Variants in SH2B2 observed in about 807,000 individuals in gnomAD.
The protein encoded by SH2B2 is SH2B adaptor protein 2.
SH2B2 carries 37 observed loss-of-function variants against 35.7 expected under a neutral mutation model. The observed-to-expected ratio is 1.04, with a 90% confidence interval of 0.80 to 1.36. SH2B2 has a LOEUF of 1.36. Ranked by LOEUF, SH2B2 falls within the 40% of genes most tolerant of loss-of-function variation. The pLI, the probability that SH2B2 is intolerant of heterozygous loss-of-function variation, is 0.00. For synonymous variants in SH2B2, 383 were observed against 376.4 expected (o/e 1.02, Z -0.20); for missense variants, 852 against 817.7 (o/e 1.04, Z -0.51).
chr7:102,292,408 A>G (rs576260014), intron 1 of SH2B2, among the ~76,000 whole-genome samples: 1 of 151,880 alleles, frequency 6.6e-6, no homozygotes, highest in South Asian at 2.1e-4. Context: ...GGACGCACCT[A>G]TAGTCCCAGC....
At chr7:102,304,902 G>C (rs1793329615) in intron 2 of SH2B2, among the ~76,000 whole-genome samples, 1 of 152,254 alleles carries the variant, frequency 6.6e-6, no homozygotes, top group Non-Finnish European at 1.5e-5. Flanking sequence ...CATCAAATGT[G>C]TGGCCTTTCC....
chr7:102,320,858 A>G (rs1794027997), intron 8 of SH2B2, among the ~76,000 whole-genome samples: 1 of 152,118 alleles, frequency 6.6e-6, no homozygotes, highest in Non-Finnish European at 1.5e-5. Flanking sequence ...GGAGGCTCAG[A>G]GCAAAGCTGC....
intron 4 of SH2B2, among the ~76,000 whole-genome samples, chr7:102,313,971 T>C (rs1414191960): frequency 6.6e-6 from 1 of 151,914 alleles, no homozygotes; most frequent in Non-Finnish European, 1.5e-5. Flanking sequence ...GGGGTTCTGG[T>C]TTCTGTGACC....
chr7:102,306,692 C>T, intron 2 of SH2B2, 29 bp from the exon 3 acceptor site: 1 of 1,500,256 alleles, frequency 6.7e-7, no homozygotes, highest in Non-Finnish European at 9.1e-7. Flanking sequence ...AATGCTGGGG[C>T]CACTCACTAT....
intron 4 of SH2B2, chr7:102,309,561 A>G (rs1244400041): frequency 1.0e-5 from 3 of 300,328 alleles, no homozygotes; most frequent in East Asian, 1.2e-4. Context: ...GGGTTTCATC[A>G]TGTTGGCCAG....
chr7:102,289,774 A>T (rs141867323), intron 1 of SH2B2, among the ~76,000 whole-genome samples: 15 of 149,048 alleles, frequency 1.0e-4, no homozygotes, highest in African/African-American at 3.7e-4. Flanking sequence ...TGTGAGAGTT[A>T]TGACACTGGG....
chr7:102,287,285 C>T (rs1554551025), intron 1 of SH2B2, among the ~76,000 whole-genome samples, 191 bp downstream of exon 1: 1 of 152,036 alleles, frequency 6.6e-6, no homozygotes, highest in African/African-American at 2.4e-5. Context: ...GGAGGCGCCC[C>T]CGGCTGGGAT....
chr7:102,317,084 C>A, intron 6 of SH2B2, 103 bp from the exon 7 acceptor site: 3 of 924,658 alleles, frequency 3.2e-6, no homozygotes, highest in Non-Finnish European at 3.2e-6. Flanking sequence ...CAGCATTTTG[C>A]ATGTAAAAAA....
chr7:102,312,666 T>G (rs1393875349), intron 4 of SH2B2, among the ~76,000 whole-genome samples: 1 of 152,190 alleles, frequency 6.6e-6, no homozygotes, highest in African/African-American at 2.4e-5. Flanking sequence ...TTGCTTTCCT[T>G]TCCTTCTTCC....
chr7:102,298,984 G>A (rs1793031817), intron 1 of SH2B2, among the ~76,000 whole-genome samples: 1 of 142,910 alleles, frequency 7.0e-6, no homozygotes, highest in African/African-American at 2.6e-5. Flanking sequence ...GCAGTGGCGC[G>A]ATGTCGGCTC....
chr7:102,299,350 C>T (rs1276410978), intron 1 of SH2B2, among the ~76,000 whole-genome samples: 6 of 151,258 alleles, frequency 4.0e-5, no homozygotes, highest in Admixed American at 4.0e-4. Flanking sequence ...AGGCATATGC[C>T]ACCATGCCCA....
intron 2 of SH2B2, among the ~76,000 whole-genome samples, chr7:102,302,292 G>A (rs1793224726): frequency 6.6e-6 from 1 of 152,368 alleles, no homozygotes; most frequent in Admixed American, 6.5e-5. Context: ...CACATTCGCA[G>A]AGGGCTCCCT....
chr7:102,290,090 C>T (rs803094), intron 1 of SH2B2, among the ~76,000 whole-genome samples: 7 of 150,246 alleles, frequency 4.7e-5, no homozygotes, highest in South Asian at 4.3e-4. Flanking sequence ...CCCGCCCCCC[C>T]ACCCAGCCGC....
intron 1 of SH2B2, among the ~76,000 whole-genome samples, chr7:102,288,318 G>A (rs1259024953): frequency 2.0e-5 from 3 of 152,060 alleles, no homozygotes; most frequent in African/African-American, 7.2e-5. Flanking sequence ...AGGTCTGGTG[G>A]TGGCGGTGGT....
chr7:102,313,640 C>T (rs1261385613), intron 4 of SH2B2, among the ~76,000 whole-genome samples: 3 of 151,258 alleles, frequency 2.0e-5, no homozygotes, highest in Admixed American at 6.6e-5. Context: ...GTTGGCCGGG[C>T]GCAGTGGCTC....
In SH2B2 at chr7:102,309,232, G is replaced by T. The variant is rs77647318; in HGVS notation, c.923+326G>T. 3,955 of 509,560 alleles carry T rather than the reference G, an allele frequency of 7.8e-3. 143 individuals are homozygous for T. The highest frequency in any genetic ancestry group is 0.07 in the African/African-American group (3,630 of 52,230). The allele number at this position is 509,560 out of a possible 1,614,324, so 31.6% of individuals were successfully genotyped here. A position where few individuals can be genotyped will look rare whatever the true frequency, so the allele number is the denominator to read the frequency against. ...GCAGTGAGTCCCCAAAGGGCTGGGG[G>T]CCTGGTGCAGTGGCTCACATCTGTG... On this transcript the variant is annotated intron_variant, in intron 4 of 8. Coordinates refer to ENST00000444095, the MANE Select transcript of SH2B2 (RefSeq NM_001359228.2).
At chr7:102,313,466 A>C in intron 4 of SH2B2, among the ~76,000 whole-genome samples, 1 of 151,940 alleles carries the variant, frequency 6.6e-6, no homozygotes, top group Non-Finnish European at 1.5e-5. Context: ...ACAAACAAAC[A>C]AAAAAGATGG....
At chr7:102,302,551 C>G (rs1359776318) in intron 2 of SH2B2, among the ~76,000 whole-genome samples, 1 of 152,230 alleles carries the variant, frequency 6.6e-6, no homozygotes, top group Non-Finnish European at 1.5e-5. Flanking sequence ...GTGGGAATAG[C>G]TGTAACAATA....
intron 4 of SH2B2, among the ~76,000 whole-genome samples, chr7:102,311,762 C>T (rs960968630): frequency 1.3e-5 from 2 of 152,020 alleles, no homozygotes; most frequent in Non-Finnish European, 2.9e-5. Flanking sequence ...TACATAGGAG[C>T]CTTCAGAATG....
Sources: gnomAD v4.1 joint callset for allele counts (sites outside exome capture counted in the v4.1 genomes callset) on GRCh38, gnomAD v4.1.1 for gene constraint, MANE v1.5 for transcripts, NCBI Gene and HGNC (gene_info 2026-07-23, HGNC 2026-07-21) for gene names.